IFT57: variants seen among roughly 807,000 people sequenced by gnomAD.
IFT57 encodes the protein intraflagellar transport protein 57 homolog.
Under a neutral mutation model 56.8 loss-of-function variants are expected in IFT57, and 59 were observed. The observed-to-expected ratio is 1.04, with a 90% CI of 0.84 to 1.29. The LOEUF (loss-of-function observed/expected upper bound fraction) is 1.29, where lower values mean the gene tolerates loss of function less well. Ranked by LOEUF, IFT57 falls within the 50% of genes most tolerant of loss-of-function variation. IFT57 has a pLI of 0.00. For missense variants in IFT57, 470 were observed against 522.1 expected, an observed-to-expected ratio of 0.90 and a Z score of 0.97; for synonymous variants, 209 against 186.1, an observed-to-expected ratio of 1.12 and a Z score of -1.00.
At chr3:108,192,709 GA>G (rs1436607807) in intron 5 of IFT57, among the ~76,000 whole-genome samples, 1 of 151,948 alleles carries the variant, frequency 6.6e-6, no homozygotes, top group East Asian at 1.9e-4. Context: ...TAAAATGTAT[GA>G]ACCTTATATG....
intron 6 of IFT57, among the ~76,000 whole-genome samples, chr3:108,185,603 G>A (rs2080177294): frequency 7.6e-6 from 1 of 131,460 alleles, no homozygotes; most frequent in African/African-American, 3.0e-5. Context: ...TCGTTGCCCA[G>A]GCTGGAGTGC....
At chr3:108,217,363 A>G (rs2080378589) in intron 3 of IFT57, among the ~76,000 whole-genome samples, 1 of 152,110 alleles carries the variant, frequency 6.6e-6, no homozygotes, top group African/African-American at 2.4e-5. Flanking sequence ...TTTAGAATAT[A>G]TTAGTCTATT....
intron 5 of IFT57, among the ~76,000 whole-genome samples, chr3:108,205,065 G>C (rs1159496024): frequency 1.3e-5 from 2 of 152,022 alleles, no homozygotes. Context: ...ATTCATTTAA[G>C]AGGTTTTTAT....
chr3:108,216,376 T>C (rs1481274716), intron 3 of IFT57, among the ~76,000 whole-genome samples: 4 of 152,202 alleles, frequency 2.6e-5, no homozygotes, highest in Non-Finnish European at 4.4e-5. Context: ...GCAAAAATGC[T>C]TGACATCACT....
chr3:108,216,157 A>C lies in IFT57; in HGVS notation c.495-2136T>G, dbSNP rs139154787. Among the ~76,000 whole-genome samples, 7 of 152,324 alleles carry C rather than the reference A, an allele frequency of 4.6e-5. No homozygotes were observed. The East Asian group carries it at 1.3e-3, about 29-fold the overall frequency. On this transcript the variant is annotated intron_variant, in intron 3 of 10. Coordinates refer to ENST00000264538, the MANE Select transcript of IFT57 (RefSeq NM_018010.4). The stretch of plus-strand genomic sequence containing the variant: ...GCGATTACATCAAACTTAAGGAAAC[A>C]ATCAAAAGAGTGAAGAGACAACCCA...
chr3:108,204,139 G>A (rs1026989852), intron 5 of IFT57, among the ~76,000 whole-genome samples: 17 of 152,148 alleles, frequency 1.1e-4, no homozygotes, highest in African/African-American at 4.1e-4. Context: ...GTCAGACACA[G>A]CTGTCTCAGG....
intron 3 of IFT57, among the ~76,000 whole-genome samples, chr3:108,215,042 G>C (rs1012403991): frequency 5.3e-5 from 8 of 151,958 alleles, no homozygotes; most frequent in African/African-American, 7.3e-5. Context: ...TCAATCTGAA[G>C]TTTATTTTAA....
chr3:108,195,064 T>C (rs2080236293), intron 5 of IFT57, among the ~76,000 whole-genome samples: 1 of 151,984 alleles, frequency 6.6e-6, no homozygotes, highest in African/African-American at 2.4e-5. Flanking sequence ...ATTTGCAAAC[T>C]ACCCATCTGA....
At chr3:108,190,617 T>C (rs2108317303) in intron 6 of IFT57, among the ~76,000 whole-genome samples, 1 of 152,346 alleles carries the variant, frequency 6.6e-6, no homozygotes, top group South Asian at 2.1e-4. Context: ...ATTATACCTT[T>C]CCTTTAAAAA....
At chr3:108,205,814 ATTATATATTAT>A (rs201191377) in intron 5 of IFT57, among the ~76,000 whole-genome samples, 13,579 of 127,768 alleles carry the variant, frequency 0.11, 720 homozygotes, top group Non-Finnish European at 0.11. Flanking sequence ...ATTATAGCAT[ATTATATATTAT>A]TTATATATTA....
Position 108,165,506 on chromosome 3 carries a change from A to T in IFT57, c.982-13T>A. 4 of 1,610,428 alleles carry T rather than the reference A, an allele frequency of 2.5e-6. No homozygotes were observed. The highest frequency in any genetic ancestry group is 3.4e-6 in the Non-Finnish European group (4 of 1,177,200). On this transcript the variant is annotated splice_polypyrimidine_tract_variant and intron_variant, in intron 8 of 10. Transcript: ENST00000264538. ...ATCGCTCCTTTGCCTGAGAGGAAAA[A>T]CATTTTGTTTAATGGCAAATTCAAA...
At chr3:108,213,866 G>A in intron 4 of IFT57, 65 bp downstream of exon 4, 1 of 880,462 alleles carries the variant, frequency 1.1e-6, no homozygotes, top group Non-Finnish European at 1.8e-6. Context: ...AAGTCTGGGG[G>A]AAATTAAGAG....
chr3:108,186,243 T>C lies in IFT57; in HGVS notation c.777+5278A>G, dbSNP rs535728205. Among the ~76,000 whole-genome samples the C allele has an allele frequency of 5.3e-5, 8 of 150,680 alleles. No homozygotes were observed. In the South Asian group the frequency reaches 1.7e-3, roughly 32 times the overall value. ...AACAAATTCCTGCTGAAGAAAACTGTGCCAGATGTTGTGCAGGACTTCACA... is the reference window on the plus strand; with the variant it reads ...AACAAATTCCTGCTGAAGAAAACTGCGCCAGATGTTGTGCAGGACTTCACA... On this transcript the variant is annotated intron_variant, in intron 6 of 10. Coordinates refer to ENST00000264538, the MANE Select transcript of IFT57 (RefSeq NM_018010.4).
rs548281817 is a variant in IFT57 at position 108,221,910 on chromosome 3, C to T, written c.212+201G>A. On this transcript the variant is annotated intron_variant, in intron 1 of 10. Coordinates refer to ENST00000264538, the MANE Select transcript of IFT57 (RefSeq NM_018010.4). The stretch of plus-strand genomic sequence containing the variant: ...TGCCGTTCCAAAACTTATTTATTCT[C>T]TCTACAAAAATACCAAGTCAGGGCT... 62 of 1,096,898 alleles carry T rather than the reference C, an allele frequency of 5.7e-5. No homozygotes were observed. In the South Asian group the frequency reaches 9.5e-4, roughly 17 times the overall value. The allele number at this position is 1,096,898 out of a possible 1,614,324, so 67.9% of individuals were successfully genotyped here. A position where few individuals can be genotyped will look rare whatever the true frequency, so the allele number is the denominator to read the frequency against.
intron 10 of IFT57, among the ~76,000 whole-genome samples, chr3:108,162,917 T>C (rs1048687562): frequency 2.6e-5 from 4 of 152,024 alleles, no homozygotes; most frequent in Non-Finnish European, 5.9e-5. Context: ...AACAGGTGTT[T>C]AAGGATGTGT....
intron 6 of IFT57, among the ~76,000 whole-genome samples, chr3:108,178,359 A>G (rs2080134983): frequency 6.6e-6 from 1 of 151,960 alleles, no homozygotes; most frequent in Non-Finnish European, 1.5e-5. Context: ...GAATATCTTC[A>G]TAATATTGGG....
In IFT57 at chr3:108,222,262, G is replaced by C; in HGVS notation, c.61C>G (p.Arg21Gly). The C allele has an allele frequency of 3.7e-6, 6 of 1,613,988 alleles. No individual in the cohort carries two copies. Among genetic ancestry groups the C allele is most frequent in the Non-Finnish European group, 5.1e-6 (6 of 1,180,018 alleles). Reference sequence around the variant, plus strand: ...ACCACTTCCCCGGTCCCTTCGCCACGGGACCTAGGCACCCCATCTTCCAAA... The same window carrying C: ...ACCACTTCCCCGGTCCCTTCGCCACCGGACCTAGGCACCCCATCTTCCAAA... ...SGLEDGVPRSRGEGTGEVVLE... is the reference protein window; with the variant it reads ...SGLEDGVPRSGGEGTGEVVLE... The change falls in exon 1 of 11, where the codon CGT (arginine) becomes GGT (glycine). Residue 21 changes from arginine to glycine, a missense_variant. By Grantham distance (125) the Arg-to-Gly change is moderately radical (BLOSUM62 -2). Transcript: ENST00000264538.
At chr3:108,164,293 T>G (rs1457737171) in intron 9 of IFT57, among the ~76,000 whole-genome samples, 1 of 152,076 alleles carries the variant, frequency 6.6e-6, no homozygotes, top group Non-Finnish European at 1.5e-5. Context: ...CTGTCACACT[T>G]GTTCCTATCT....
intron 3 of IFT57, among the ~76,000 whole-genome samples, chr3:108,215,520 A>G (rs1198548678): frequency 3.9e-5 from 6 of 152,226 alleles, no homozygotes; most frequent in Non-Finnish European, 8.8e-5. Flanking sequence ...CCTGGGCGAC[A>G]GAGTGAGACC....
Sources: gnomAD v4.1 joint callset for allele counts (sites outside exome capture counted in the v4.1 genomes callset) on GRCh38, gnomAD v4.1.1 for gene constraint, MANE v1.5 for transcripts, NCBI Gene and HGNC (gene_info 2026-07-23, HGNC 2026-07-21) for gene names.